The following PTPRO variants were observed in gnomAD, a reference collection of about 807,000 sequenced individuals.
PTPRO encodes protein tyrosine phosphatase receptor type O.
In PTPRO, 62 loss-of-function variants were observed where a neutral mutation model predicts 145.2. The observed-to-expected ratio is 0.43, with a 90% CI of 0.35 to 0.53. The LOEUF (loss-of-function observed/expected upper bound fraction) is 0.53. Ranked by LOEUF, PTPRO falls within the 20% of genes least tolerant of loss-of-function variation. The pLI is 0.01. For synonymous variants in PTPRO, 565 were observed against 514.7 expected, an observed-to-expected ratio of 1.10 and a Z score of -1.32; for missense variants, 1,345 against 1,482.7, an observed-to-expected ratio of 0.91 and a Z score of 1.53.
intron 1 of PTPRO, among the ~76,000 whole-genome samples, chr12:15,392,176 A>G (rs1939206128): frequency 6.6e-6 from 1 of 152,232 alleles, no homozygotes; most frequent in African/African-American, 2.4e-5. Context: ...AAATATATGT[A>G]TCAGATGTCT....
intron 15 of PTPRO, among the ~76,000 whole-genome samples, chr12:15,552,812 T>C (rs1417762329): frequency 1.4e-5 from 2 of 145,854 alleles, no homozygotes; most frequent in African/African-American, 5.1e-5. Context: ...TTTTTTTTTT[T>C]TTTTTGAGAC....
At chr12:15,501,510 T>TG in intron 4 of PTPRO, 110 bp from the exon 5 acceptor site, 1 of 1,041,514 alleles carries the variant, frequency 9.6e-7, no homozygotes, top group Non-Finnish European at 1.4e-6. Flanking sequence ...AGAAGTAAAA[T>TG]TAAATTCCAC....
intron 7 of PTPRO, among the ~76,000 whole-genome samples, chr12:15,509,374 GAA>G (rs35896369): frequency 0.1 from 15,187 of 145,938 alleles, 1,370 homozygotes; most frequent in African/African-American, 0.25. Flanking sequence ...CATTCTTGCT[GAA>G]AAAAAAAAAA....
intron 17 of PTPRO, among the ~76,000 whole-genome samples, chr12:15,563,709 G>A (rs542166661): frequency 1.1e-4 from 16 of 152,224 alleles, no homozygotes; most frequent in Admixed American, 3.3e-4. Flanking sequence ...CGCAGCTGCC[G>A]AGTAGTAGCA....
chr12:15,554,991 C>T (rs551120113), intron 15 of PTPRO, among the ~76,000 whole-genome samples: 6 of 152,216 alleles, frequency 3.9e-5, no homozygotes, highest in South Asian at 2.1e-4. Flanking sequence ...CTTGTAATCC[C>T]GGCACTTTGG....
intron 4 of PTPRO, among the ~76,000 whole-genome samples, chr12:15,499,801 A>G (rs1417885890): frequency 1.3e-5 from 2 of 152,220 alleles, no homozygotes; most frequent in Non-Finnish European, 2.9e-5. Context: ...CAATGTAATC[A>G]TAGATTTCTA....
intron 1 of PTPRO, among the ~76,000 whole-genome samples, chr12:15,381,755 T>C (rs1231127316): frequency 6.6e-6 from 1 of 152,176 alleles, no homozygotes; most frequent in Non-Finnish European, 1.5e-5. Context: ...TTTAATGTGT[T>C]TAATTCCCTG....
At chr12:15,553,266 CA>C (rs1943520424) in intron 15 of PTPRO, among the ~76,000 whole-genome samples, 1 of 152,086 alleles carries the variant, frequency 6.6e-6, no homozygotes, top group Non-Finnish European at 1.5e-5. Flanking sequence ...AGACAATAAA[CA>C]ATAAAGATAT....
At chr12:15,554,439 T>C (rs956811260) in intron 15 of PTPRO, among the ~76,000 whole-genome samples, 1 of 151,766 alleles carries the variant, frequency 6.6e-6, no homozygotes, top group Admixed American at 6.6e-5. Context: ...TCTCCTATTA[T>C]ATATTATACA....
Position 15,503,897 on chromosome 12 carries a change from A to G in PTPRO, c.1106-11A>G, listed in dbSNP as rs776373386. 3.2e-6 allele frequency: 5 copies of G among 1,555,108 alleles called. No individual in the cohort carries two copies. The highest frequency in any genetic ancestry group is 3.3e-5 in the Admixed American group (2 of 59,704). ...TATTCATGTATCTTCTCTTTTTTAT[A>G]TATGATTTAGAGAACTTTACTGAAT... On this transcript the variant is annotated splice_polypyrimidine_tract_variant and intron_variant, in intron 5 of 26. Coordinates refer to ENST00000281171, the MANE Select transcript of PTPRO (RefSeq NM_030667.3).
At chr12:15,325,945 G>A (rs1010584390) in intron 1 of PTPRO, among the ~76,000 whole-genome samples, 7 of 152,028 alleles carry the variant, frequency 4.6e-5, no homozygotes, top group Non-Finnish European at 8.8e-5. Context: ...GCTTTTACCA[G>A]AGATATCATC....
rs772365645 is a variant in PTPRO, at chr12:15,455,372, T to C, written c.76-28602T>C. ...CTAAGGCAGGTTTTTCCTGAGTTTTTTCTCAATGGTATAACATTTGGGACT... is the reference window on the plus strand; with the variant it reads ...CTAAGGCAGGTTTTTCCTGAGTTTTCTCTCAATGGTATAACATTTGGGACT... On this transcript the variant is annotated intron_variant, in intron 1 of 26. Transcript: ENST00000281171. Among the ~76,000 whole-genome samples, 96 of 152,122 alleles carry C rather than the reference T, an allele frequency of 6.3e-4. 2 individuals are homozygous for C. Among genetic ancestry groups the C allele is most frequent in the Non-Finnish European group, 2.9e-4 (20 of 68,028 alleles).
At chr12:15,563,217 G>T (rs961572291) in intron 17 of PTPRO, among the ~76,000 whole-genome samples, 1 of 152,130 alleles carries the variant, frequency 6.6e-6, no homozygotes, top group African/African-American at 2.4e-5. Context: ...CATATATGCT[G>T]TAGGTATGTC....
intron 2 of PTPRO, among the ~76,000 whole-genome samples, chr12:15,492,030 G>A (rs899936862): frequency 2.6e-5 from 4 of 152,142 alleles, no homozygotes; most frequent in Non-Finnish European, 5.9e-5. Flanking sequence ...GAGGTCCAAG[G>A]CTAGTTACTC....
At chr12:15,473,739 C>T (rs1273055977) in intron 1 of PTPRO, among the ~76,000 whole-genome samples, 1 of 138,124 alleles carries the variant, frequency 7.2e-6, no homozygotes, top group African/African-American at 2.8e-5. Context: ...TGTGCTCCAG[C>T]CTGGGCAACA....
intron 14 of PTPRO, 147 bp from the exon 15 acceptor site, chr12:15,551,404 C>G (rs1456969044): frequency 4.9e-6 from 5 of 1,030,244 alleles, no homozygotes; most frequent in Middle Eastern, 2.2e-4. Context: ...AGGAAGAGGT[C>G]ATTGCTGGCT....
At chr12:15,411,459 C>T (rs573331676) in intron 1 of PTPRO, among the ~76,000 whole-genome samples, 2 of 152,314 alleles carry the variant, frequency 1.3e-5, no homozygotes, top group South Asian at 2.1e-4. Context: ...TGGACATATG[C>T]CTTTTGCTTA....
intron 1 of PTPRO, among the ~76,000 whole-genome samples, chr12:15,357,503 A>G (rs1433128191): frequency 6.6e-6 from 1 of 152,228 alleles, no homozygotes; most frequent in Non-Finnish European, 1.5e-5. Flanking sequence ...GTTTAGTTAT[A>G]TCCAGAATCT....
At position 15,418,464 on chromosome 12, in the gene PTPRO, T is replaced by C. The variant is rs986327067; in HGVS notation, c.76-65510T>C. 5.9e-5 allele frequency among the ~76,000 whole-genome samples: 9 copies of C among 151,636 alleles called. 2 individuals are homozygous for C. Among genetic ancestry groups the C allele is most frequent in the African/African-American group, 2.0e-4 (8 of 40,942 alleles). ...TTCTTCTGGCTTGGATTTCTAAAGC[T>C]CCTGAGGTATAGATACTGTTGATTT... On this transcript the variant is annotated intron_variant, in intron 1 of 26. Coordinates refer to ENST00000281171, the MANE Select transcript of PTPRO (RefSeq NM_030667.3).
Sources: allele counts gnomAD v4.1 joint callset (sites outside exome capture counted in the v4.1 genomes callset), GRCh38; gene constraint gnomAD v4.1.1; transcripts MANE v1.5; gene names NCBI Gene and HGNC (gene_info 2026-07-23, HGNC 2026-07-21).